The following UVRAG variants were observed in gnomAD, a reference collection of about 807,000 sequenced individuals.
UVRAG encodes UV radiation resistance associated, also known as UV radiation resistance-associated gene protein.
A neutral mutation model predicts 78.0 loss-of-function variants in UVRAG; 19 were observed. The observed-to-expected ratio is 0.24, with a 90% CI of 0.17 to 0.36. The LOEUF (loss-of-function observed/expected upper bound fraction) is 0.36, where lower values mean the gene tolerates loss of function less well. Ranked by LOEUF, UVRAG falls within the 10% of genes least tolerant of loss-of-function variation. The pLI, the probability that UVRAG is intolerant of heterozygous loss-of-function variation, is 1.00. For missense variants in UVRAG, 740 were observed against 853.8 expected (o/e 0.87, Z 1.66); for synonymous variants, 323 against 324.6 (o/e 1.00, Z 0.05).
At chr11:75,896,850 A>T (rs1053312065) in intron 5 of UVRAG, among the ~76,000 whole-genome samples, 7 of 152,218 alleles carry the variant, frequency 4.6e-5, no homozygotes, top group African/African-American at 1.7e-4. Context: ...TGTGCTATTG[A>T]TAAGGTGCAA....
At chr11:75,871,684 T>C (rs1471807735) in intron 3 of UVRAG, among the ~76,000 whole-genome samples, 3 of 152,256 alleles carry the variant, frequency 2.0e-5, no homozygotes, top group African/African-American at 7.2e-5. Context: ...TGAACATATG[T>C]GTGCCTTTCT....
intron 1 of UVRAG, among the ~76,000 whole-genome samples, chr11:75,816,935 G>A (rs1945273922): frequency 1.3e-5 from 2 of 152,208 alleles, no homozygotes; most frequent in Non-Finnish European, 2.9e-5. Flanking sequence ...AGGCAGAAGA[G>A]CTTACAGTAG....
At chr11:75,859,600 C>A (rs1946374524) in intron 2 of UVRAG, among the ~76,000 whole-genome samples, 1 of 151,964 alleles carries the variant, frequency 6.6e-6, no homozygotes, top group African/African-American at 2.4e-5. Context: ...TGTCATTCTC[C>A]TTTGAAAGAT....
At chr11:75,909,443 T>A (rs1346402745) in intron 5 of UVRAG, among the ~76,000 whole-genome samples, 1 of 152,056 alleles carries the variant, frequency 6.6e-6, no homozygotes, top group Non-Finnish European at 1.5e-5. Context: ...GTGATCATGC[T>A]ACTACTCTCC....
intron 14 of UVRAG, among the ~76,000 whole-genome samples, chr11:76,129,967 C>T (rs903538262): frequency 6.6e-6 from 1 of 151,988 alleles, no homozygotes; most frequent in Non-Finnish European, 1.5e-5. Context: ...TCTCTCTCTT[C>T]TTTGCCTGAA....
At chr11:75,910,067 A>C (rs1330492523) in intron 5 of UVRAG, among the ~76,000 whole-genome samples, 1 of 152,230 alleles carries the variant, frequency 6.6e-6, no homozygotes, top group African/African-American at 2.4e-5. Context: ...TTCACTAAAA[A>C]AGTAGATATG....
intron 6 of UVRAG, among the ~76,000 whole-genome samples, chr11:75,944,480 A>C (rs924124151): frequency 1.3e-5 from 2 of 152,172 alleles, no homozygotes; most frequent in East Asian, 1.9e-4. Context: ...AATGCATGGC[A>C]TAGGGCTCTG....
intron 12 of UVRAG, among the ~76,000 whole-genome samples, chr11:76,059,136 C>A (rs1366186323): frequency 6.6e-6 from 1 of 152,168 alleles, no homozygotes; most frequent in East Asian, 1.9e-4. Context: ...ATATTTGTGT[C>A]ATGCTTTACA....
At chr11:75,942,159 T>G (rs1291787049) in intron 6 of UVRAG, 1 of 152,726 alleles carries the variant, frequency 6.5e-6, no homozygotes, top group African/African-American at 2.4e-5. Flanking sequence ...TTATTCCTGG[T>G]AAACTTCAAT....
chr11:75,987,768 C>T (rs981485217), intron 8 of UVRAG, among the ~76,000 whole-genome samples: 3 of 151,150 alleles, frequency 2.0e-5, no homozygotes, highest in African/African-American at 7.3e-5. Context: ...TGGAGTTTCG[C>T]TCTTGTCTCC....
At chr11:76,119,062 C>G (rs1591258208) in intron 14 of UVRAG, among the ~76,000 whole-genome samples, 1 of 152,172 alleles carries the variant, frequency 6.6e-6, no homozygotes, top group Non-Finnish European at 1.5e-5. Context: ...TTAACTCACT[C>G]CAGTCTGATT....
At chr11:75,849,493 CAA>C (rs59733905) in intron 1 of UVRAG, among the ~76,000 whole-genome samples, 6 of 112,180 alleles carry the variant, frequency 5.3e-5, no homozygotes, top group Non-Finnish European at 5.8e-5. Flanking sequence ...GACTCCATCT[CAA>C]AAAAAAAAAA....
chr11:76,028,044 CAGT>C lies in UVRAG; in HGVS notation c.1226+11065_1226+11067del, dbSNP rs142578654. ...GTAACCTTGCATCAAGCAAGTCTGTCAGTGGTATTTTTCCAACAGCATGTGCTC... is the reference window on the plus strand; with the variant it reads ...GTAACCTTGCATCAAGCAAGTCTGTCGGTATTTTTCCAACAGCATGTGCTC... On this transcript the variant is annotated intron_variant, in intron 12 of 14. Transcript: ENST00000356136. Among the ~76,000 whole-genome samples the C allele has an allele frequency of 1.6e-3, 249 of 152,250 alleles. 1 individual carries two copies. Among genetic ancestry groups the C allele is most frequent in the African/African-American group, 5.7e-3 (235 of 41,572 alleles).
At chr11:75,971,626 A>G (rs771019949) in intron 7 of UVRAG, among the ~76,000 whole-genome samples, 2 of 151,982 alleles carry the variant, frequency 1.3e-5, no homozygotes, top group South Asian at 4.2e-4. Context: ...TGCCATCTAT[A>G]TATCTTCTTT....
chr11:75,971,289 A>G (rs1386228295), intron 7 of UVRAG, among the ~76,000 whole-genome samples: 4 of 152,228 alleles, frequency 2.6e-5, no homozygotes, highest in Admixed American at 2.6e-4. Context: ...GCAATTATGA[A>G]TAAAGTTGTT....
intron 13 of UVRAG, among the ~76,000 whole-genome samples, chr11:76,101,098 G>A (rs1951873110): frequency 6.8e-6 from 1 of 147,682 alleles, no homozygotes; most frequent in East Asian, 1.9e-4. Context: ...ATGATAAAAC[G>A]ATTTGTATTC....
chr11:75,869,139 T>C (rs992071200), intron 3 of UVRAG, among the ~76,000 whole-genome samples: 2 of 152,176 alleles, frequency 1.3e-5, no homozygotes, highest in East Asian at 3.8e-4. Context: ...GTAAAACCAG[T>C]GTTCCAGAGC....
At chr11:75,958,278 G>A (rs1319046035) in intron 6 of UVRAG, among the ~76,000 whole-genome samples, 1 of 152,178 alleles carries the variant, frequency 6.6e-6, no homozygotes, top group Non-Finnish European at 1.5e-5. Context: ...ATGCGATGCT[G>A]TTTGATAGCA....
At chr11:75,884,240 T>TCTC (rs1555080662) in intron 4 of UVRAG, among the ~76,000 whole-genome samples, 1 of 132,560 alleles carries the variant, frequency 7.5e-6, no homozygotes, top group African/African-American at 3.2e-5. Flanking sequence ...CTCTCTCTCT[T>TCTC]TCTCTCTCTC....
Sources: gnomAD v4.1 joint callset for allele counts (sites outside exome capture counted in the v4.1 genomes callset) on GRCh38, gnomAD v4.1.1 for gene constraint, MANE v1.5 for transcripts, NCBI Gene and HGNC (gene_info 2026-07-23, HGNC 2026-07-21) for gene names.